The following FUBP3 variants were observed in gnomAD, a reference collection of about 807,000 sequenced individuals.
FUBP3 encodes the protein far upstream element-binding protein 3.
FUBP3 carries 28 observed loss-of-function variants against 85.6 expected under a neutral mutation model. That is an observed-to-expected ratio of 0.33 (90% CI 0.24 to 0.45). FUBP3 has a LOEUF of 0.45. Among genes scored for constraint, FUBP3 ranks in the 20% least tolerant of loss-of-function variants. FUBP3 has a pLI of 1.00. For synonymous variants in FUBP3, 271 were observed against 271.4 expected, an observed-to-expected ratio of 1.00 and a Z score of 0.01; for missense variants, 583 against 755.1, an observed-to-expected ratio of 0.77 and a Z score of 2.67.
chr9:130,600,310 G>C (rs143766983), intron 2 of FUBP3, among the ~76,000 whole-genome samples: 271 of 152,146 alleles, frequency 1.8e-3, no homozygotes, highest in Non-Finnish European at 3.0e-3. Context: ...ATAAAGACTG[G>C]CTTCATTTCC....
chr9:130,625,902 T>C (rs1321393739), intron 11 of FUBP3, among the ~76,000 whole-genome samples: 1 of 152,112 alleles, frequency 6.6e-6, no homozygotes, highest in African/African-American at 2.4e-5. Flanking sequence ...GAGTGCCAGG[T>C]GTTGTGACTC....
At chr9:130,603,411 A>G (rs1167007038) in intron 2 of FUBP3, among the ~76,000 whole-genome samples, 1 of 150,112 alleles carries the variant, frequency 6.7e-6, no homozygotes, top group East Asian at 2.0e-4. Flanking sequence ...CCAGTTGACA[A>G]CTCCTGGCAC....
intron 18 of FUBP3, among the ~76,000 whole-genome samples, chr9:130,636,454 C>T (rs1165575545): frequency 6.6e-6 from 1 of 152,232 alleles, no homozygotes; most frequent in African/African-American, 2.4e-5. Context: ...TTTCCCTAAC[C>T]GTAAAGGAGC....
chr9:130,582,295 T>TA (rs1297893357), intron 1 of FUBP3, among the ~76,000 whole-genome samples: 1 of 151,558 alleles, frequency 6.6e-6, no homozygotes, highest in Non-Finnish European at 1.5e-5. Context: ...TACTAAAAAT[T>TA]AAAAAAATTA....
chr9:130,582,707 T>C (rs1830185234), intron 1 of FUBP3, among the ~76,000 whole-genome samples: 1 of 152,216 alleles, frequency 6.6e-6, no homozygotes, highest in Admixed American at 6.5e-5. Context: ...GATGAGTAGA[T>C]CCAAGTCTGG....
chr9:130,585,319 T>C (rs1426448919), intron 1 of FUBP3, among the ~76,000 whole-genome samples: 1 of 152,226 alleles, frequency 6.6e-6, no homozygotes, highest in Non-Finnish European at 1.5e-5. Flanking sequence ...ATCTTGCTAT[T>C]GTTTTATACT....
intron 1 of FUBP3, among the ~76,000 whole-genome samples, chr9:130,588,552 G>A (rs951171038): frequency 6.6e-6 from 1 of 152,100 alleles, no homozygotes; most frequent in African/African-American, 2.4e-5. Flanking sequence ...AGCATTTCTG[G>A]TTCCTTACTG....
chr9:130,636,886 C>A, intron 18 of FUBP3, 128 bp from the exon 19 acceptor site: 1 of 792,018 alleles, frequency 1.3e-6, no homozygotes, highest in Non-Finnish European at 2.3e-6. Context: ...GAGAGAGAAG[C>A]CCAAGACCTC....
At chr9:130,583,843 C>T (rs1026118591) in intron 1 of FUBP3, among the ~76,000 whole-genome samples, 1 of 152,024 alleles carries the variant, frequency 6.6e-6, no homozygotes, top group Non-Finnish European at 1.5e-5. Context: ...CACTGTATGT[C>T]TCTAAGGCTT....
At chr9:130,586,429 T>C (rs139383711) in intron 1 of FUBP3, among the ~76,000 whole-genome samples, 197 of 152,270 alleles carry the variant, frequency 1.3e-3, no homozygotes, top group African/African-American at 4.4e-3. Context: ...TGAGACAGGA[T>C]CTCTCTGTGT....
chr9:130,604,623 C>T (rs1457844544), intron 2 of FUBP3, among the ~76,000 whole-genome samples: 1 of 152,222 alleles, frequency 6.6e-6, no homozygotes, highest in Non-Finnish European at 1.5e-5. Flanking sequence ...ACTCCCGGGC[C>T]TGGCATGGTT....
At chr9:130,583,104 T>C (rs1387463594) in intron 1 of FUBP3, among the ~76,000 whole-genome samples, 2 of 152,246 alleles carry the variant, frequency 1.3e-5, no homozygotes, top group Admixed American at 6.5e-5. Context: ...TAAATGAGTG[T>C]GACCAAGCCA....
chr9:130,622,284 C>T (rs1829785184), intron 9 of FUBP3, among the ~76,000 whole-genome samples: 1 of 145,258 alleles, frequency 6.9e-6, no homozygotes, highest in Non-Finnish European at 1.5e-5. Context: ...AAGATCGTGC[C>T]ACTGCAGGCT....
chr9:130,625,573 T>G (rs1238054030), intron 11 of FUBP3, among the ~76,000 whole-genome samples: 1 of 152,194 alleles, frequency 6.6e-6, no homozygotes, highest in Non-Finnish European at 1.5e-5. Context: ...TTAAGAGAGT[T>G]TAAATACTGC....
At chr9:130,622,865 T>C (rs753657849) in intron 10 of FUBP3, 55 bp downstream of exon 10, 4 of 842,080 alleles carry the variant, frequency 4.8e-6, no homozygotes, top group Non-Finnish European at 7.6e-6. Context: ...AAATCCTTAG[T>C]GTTAAAAGGA....
In FUBP3 at chr9:130,630,667, C is replaced by T; in HGVS notation, c.1157C>T (p.Ala386Val). The change falls in exon 13 of 19, where the codon GCG becomes GTG. Residue 386 changes from alanine (A) to valine (V), a missense_variant. Around this residue, in one of 3 missense-constraint regions of FUBP3, gnomAD observed 404 missense variants for 516.8 expected, o/e 0.78. Transcript: ENST00000319725. ...NIKSINQQSG[A>V]HVELQRNPPP... The stretch of plus-strand genomic sequence containing the variant: ...AAAAGCATCAACCAGCAGTCAGGGG[C>T]GCACGTGGAGCTTCAGAGGAACCCC... 2 of 1,600,692 alleles carry T rather than the reference C, an allele frequency of 1.2e-6. No homozygotes were observed. Among genetic ancestry groups the T allele is most frequent in the Admixed American group, 1.7e-5 (1 of 58,566 alleles).
At chr9:130,632,178 G>T (rs760485261) in intron 15 of FUBP3, 24 bp from the exon 16 acceptor site, 1 of 1,601,070 alleles carries the variant, frequency 6.2e-7, no homozygotes, top group Admixed American at 1.7e-5. Flanking sequence ...CTATAGGAAC[G>T]AGTGACCCTC....
chr9:130,598,058 G>T (rs754187215), intron 2 of FUBP3, among the ~76,000 whole-genome samples: 4 of 152,196 alleles, frequency 2.6e-5, no homozygotes, highest in Admixed American at 6.5e-5. Flanking sequence ...GTGAAAATAC[G>T]CAATATAAAT....
rs1830363543 is a variant in FUBP3 at position 130,635,009 on chromosome 9, G to A, written c.1582+271G>A. 6.6e-6 allele frequency among the ~76,000 whole-genome samples: 1 copy of A among 152,156 alleles called. No individual in the cohort carries two copies. Among genetic ancestry groups the A allele is most frequent in the Non-Finnish European group, 1.5e-5 (1 of 68,030 alleles). On this transcript the variant is annotated intron_variant, in intron 17 of 18. Transcript: ENST00000319725. The surrounding 1 kb of genome is among the most constrained non-coding windows in gnomAD (Gnocchi z 4.3). Reference sequence around the variant, plus strand: ...TGCTGGGCTCCAAAGGACTTGAGGTGGGCGTGGCACCTGGAAGTGTGGGCT... The same window carrying A: ...TGCTGGGCTCCAAAGGACTTGAGGTAGGCGTGGCACCTGGAAGTGTGGGCT...
Sources: allele counts gnomAD v4.1 joint callset (sites outside exome capture counted in the v4.1 genomes callset), GRCh38; gene constraint gnomAD v4.1.1; regional missense constraint gnomAD v4.1.1; non-coding constraint Gnocchi (gnomAD v3.1); transcripts MANE v1.5; gene names NCBI Gene and HGNC (gene_info 2026-07-23, HGNC 2026-07-21).